Variants in RAB27B observed in about 807,000 individuals in gnomAD.
RAB27B encodes the protein RAB27B, member RAS oncogene family.
Under a neutral mutation model 24.6 loss-of-function variants are expected in RAB27B, and 15 were observed. The ratio of observed to expected loss-of-function variants is 0.61; its 90% CI spans 0.41 to 0.94. The LOEUF is 0.94. Ranked by LOEUF, RAB27B falls within the 40% of genes least tolerant of loss-of-function variation. RAB27B has a pLI of 0.00. For synonymous variants in RAB27B, 105 were observed against 92.5 expected (o/e 1.14, Z -0.78); for missense variants, 261 against 266.8 (o/e 0.98, Z 0.15).
chr18:54,867,675 G>C (rs1223148796), intron 1 of RAB27B, among the ~76,000 whole-genome samples: 1 of 151,980 alleles, frequency 6.6e-6, no homozygotes, highest in Non-Finnish European at 1.5e-5. Flanking sequence ...TCAAACTCCT[G>C]ACCTCGTGAT....
At chr18:54,727,090 T>C (rs1312210886) in intron 2 of RAB27B, among the ~76,000 whole-genome samples, 1 of 152,182 alleles carries the variant, frequency 6.6e-6, no homozygotes, top group Non-Finnish European at 1.5e-5. Context: ...TTAAGCATTC[T>C]ACCTCAGCCT....
intron 1 of RAB27B, among the ~76,000 whole-genome samples, chr18:54,863,603 A>G (rs1340761295): frequency 1.3e-5 from 2 of 152,154 alleles, no homozygotes; most frequent in African/African-American, 4.8e-5. Context: ...TGCCACCATT[A>G]CTATTTAAAT....
chr18:54,740,151 T>C (rs774744339), intron 2 of RAB27B, among the ~76,000 whole-genome samples: 1 of 152,222 alleles, frequency 6.6e-6, no homozygotes, highest in Non-Finnish European at 1.5e-5. Context: ...AGAATTCATC[T>C]CATGGCTACA....
Position 54,877,150 on chromosome 18 carries a change from G to A in RAB27B, c.-19-417G>A, listed in dbSNP as rs538700396. Among the ~76,000 whole-genome samples, 139 of 152,210 alleles carry A rather than the reference G, an allele frequency of 9.1e-4. 1 individual carries two copies. The highest frequency in any genetic ancestry group is 6.8e-3 in the South Asian group (33 of 4,820). Reference sequence around the variant, plus strand: ...GGTTTTATAAGGGGCTTACCCCTTTGCTGAGCTCTCATTCTCTCTCTTGCC... The same window carrying A: ...GGTTTTATAAGGGGCTTACCCCTTTACTGAGCTCTCATTCTCTCTCTTGCC... On this transcript the variant is annotated intron_variant, in intron 1 of 5. Transcript: ENST00000262094.
At chr18:54,758,757 T>A (rs1235503480) in intron 2 of RAB27B, among the ~76,000 whole-genome samples, 1 of 152,102 alleles carries the variant, frequency 6.6e-6, no homozygotes, top group Non-Finnish European at 1.5e-5. Flanking sequence ...AATGAAGGCA[T>A]TCGATGGTGA....
chr18:54,796,711 G>A (rs995245537), intron 2 of RAB27B, among the ~76,000 whole-genome samples: 1 of 152,188 alleles, frequency 6.6e-6, no homozygotes, highest in Non-Finnish European at 1.5e-5. Flanking sequence ...ATGGACACAG[G>A]ATATGAGGGC....
At chr18:54,882,444 G>A (rs958257389) in intron 3 of RAB27B, among the ~76,000 whole-genome samples, 2 of 152,166 alleles carry the variant, frequency 1.3e-5, no homozygotes, top group Non-Finnish European at 2.9e-5. Flanking sequence ...ATAAACAATC[G>A]CAATGGAGCC....
At chr18:54,841,625 G>A (rs1911124700) in intron 1 of RAB27B, among the ~76,000 whole-genome samples, 1 of 152,168 alleles carries the variant, frequency 6.6e-6, no homozygotes, top group Admixed American at 6.5e-5. Flanking sequence ...CGAGAATGGT[G>A]ACATTATTTT....
At chr18:54,769,442 C>T (rs554997117) in intron 2 of RAB27B, among the ~76,000 whole-genome samples, 2 of 129,150 alleles carry the variant, frequency 1.5e-5, no homozygotes, top group African/African-American at 2.6e-5. Context: ...TATTGTTTGT[C>T]CATCTTGTTT....
At chr18:54,746,019 T>C (rs1014018688) in intron 2 of RAB27B, among the ~76,000 whole-genome samples, 3 of 151,930 alleles carry the variant, frequency 2.0e-5, no homozygotes, top group Non-Finnish European at 4.4e-5. Context: ...CTATGAAAAC[T>C]GAGAAGGGAG....
intron 2 of RAB27B, among the ~76,000 whole-genome samples, chr18:54,801,603 C>T (rs547895538): frequency 3.3e-5 from 5 of 152,158 alleles, no homozygotes; most frequent in Admixed American, 6.5e-5. Context: ...TTGAGCCAGA[C>T]GATTCTTTGT....
chr18:54,860,626 T>C (rs1280835031), intron 1 of RAB27B, among the ~76,000 whole-genome samples: 1 of 152,228 alleles, frequency 6.6e-6, no homozygotes, highest in Non-Finnish European at 1.5e-5. Context: ...GTAGAACTCA[T>C]TCCAAATAAG....
chr18:54,738,955 G>A (rs1909985405), intron 2 of RAB27B, among the ~76,000 whole-genome samples: 1 of 152,050 alleles, frequency 6.6e-6, no homozygotes, highest in Non-Finnish European at 1.5e-5. Flanking sequence ...ATGCTTCTTT[G>A]CAGTCAACCC....
At chr18:54,858,377 G>GTTTT (rs4071703) in intron 1 of RAB27B, among the ~76,000 whole-genome samples, 5 of 127,850 alleles carry the variant, frequency 3.9e-5, no homozygotes, top group African/African-American at 1.5e-4. Context: ...CAGGAAAACT[G>GTTTT]TTTTTTTTTT....
chr18:54,847,871 G>C (rs961835320), intron 1 of RAB27B, among the ~76,000 whole-genome samples: 20 of 152,000 alleles, frequency 1.3e-4, no homozygotes, highest in Admixed American at 3.9e-4. Flanking sequence ...AAAAACTTCA[G>C]CCAAATTAAA....
chr18:54,826,667 C>G (rs911333600), upstream of RAB27B, among the ~76,000 whole-genome samples: 10 of 152,244 alleles, frequency 6.6e-5, no homozygotes, highest in African/African-American at 2.4e-4. Context: ...ATGGCAGGAA[C>G]CTTTTCTAGA....
intron 1 of RAB27B, among the ~76,000 whole-genome samples, chr18:54,851,408 C>A (rs1911581926): frequency 6.6e-6 from 1 of 152,126 alleles, no homozygotes; most frequent in Admixed American, 6.5e-5. Flanking sequence ...CAGAAGCAAA[C>A]CTGCAAAATC....
At chr18:54,812,805 A>G (rs1910008471) in intron 2 of RAB27B, among the ~76,000 whole-genome samples, 1 of 152,226 alleles carries the variant, frequency 6.6e-6, no homozygotes, top group Non-Finnish European at 1.5e-5. Flanking sequence ...CAAAATATAT[A>G]CAAGCACACA....
At chr18:54,803,300 G>T (rs990687443) in intron 2 of RAB27B, among the ~76,000 whole-genome samples, 10 of 152,298 alleles carry the variant, frequency 6.6e-5, no homozygotes, top group African/African-American at 2.4e-4. Context: ...AGCAAGCTAT[G>T]TGATGTTCAG....
Sources: allele counts gnomAD v4.1 joint callset (sites outside exome capture counted in the v4.1 genomes callset), GRCh38; gene constraint gnomAD v4.1.1; transcripts MANE v1.5; gene names NCBI Gene and HGNC (gene_info 2026-07-23, HGNC 2026-07-21).